AFAP1: variants seen among roughly 807,000 people sequenced by gnomAD.
AFAP1 encodes actin filament associated protein 1.
A neutral mutation model predicts 93.9 loss-of-function variants in AFAP1; 75 were observed. The observed-to-expected ratio is 0.80, with a 90% CI of 0.66 to 0.97. The LOEUF (loss-of-function observed/expected upper bound fraction) is 0.97, where lower values mean the gene tolerates loss of function less well. AFAP1 is among the 50% of genes least tolerant of loss of function. The pLI, the probability that AFAP1 is intolerant of heterozygous loss-of-function variation, is 0.00. For missense variants in AFAP1, 1,201 were observed against 1,050.8 expected (o/e 1.14, Z -1.98); for synonymous variants, 517 against 430.7 (o/e 1.20, Z -2.48).
intron 4 of AFAP1, among the ~76,000 whole-genome samples, chr4:7,845,021 G>A (rs1383850215): frequency 6.6e-6 from 1 of 152,262 alleles, no homozygotes; most frequent in Non-Finnish European, 1.5e-5. Context: ...TGGAGTTTAA[G>A]TTGTACTCAG....
chr4:7,822,464 G>A (rs992163477), intron 6 of AFAP1, among the ~76,000 whole-genome samples: 1 of 151,954 alleles, frequency 6.6e-6, no homozygotes, highest in African/African-American at 2.4e-5. Flanking sequence ...AAACGCACCT[G>A]ACATGCTCTT....
chr4:7,778,817 C>T lies in AFAP1; in HGVS notation c.1842G>A (p.Leu614=), dbSNP rs1716431563. 2 of 1,614,228 alleles carry T rather than the reference C, an allele frequency of 1.2e-6. No individual in the cohort carries two copies. Among genetic ancestry groups the T allele is most frequent in the Non-Finnish European group, 1.7e-6 (2 of 1,180,044 alleles). The change falls in exon 14 of 18, where the codon CTG becomes CTA. Residue 614 remains leucine (L), a synonymous_variant. Transcript: ENST00000420658. The part of the protein sequence containing the change: ...SNGVTGKGKT[L]SSQPKKADPA... ...GATCCGCTTTCTTTGGCTGACTGCT[C>T]AGAGTCTTCCCTTTTCCTGTGACCC...
intron 1 of AFAP1, among the ~76,000 whole-genome samples, chr4:7,881,826 C>G (rs2149197255): frequency 6.6e-6 from 1 of 152,054 alleles, no homozygotes; most frequent in South Asian, 2.1e-4. Context: ...TCTGTCACCA[C>G]ATAAACCTGG....
At chr4:7,861,766 G>A (rs1027764970) in intron 3 of AFAP1, among the ~76,000 whole-genome samples, 12 of 152,264 alleles carry the variant, frequency 7.9e-5, no homozygotes, top group Non-Finnish European at 1.6e-4. Context: ...CCAAAACTCT[G>A]AGATTCCTCA....
At chr4:7,863,118 G>A (rs1715933905) in intron 3 of AFAP1, among the ~76,000 whole-genome samples, 1 of 152,174 alleles carries the variant, frequency 6.6e-6, no homozygotes, top group African/African-American at 2.4e-5. Flanking sequence ...GAAACAAAGA[G>A]AACAATCTTT....
intron 1 of AFAP1, among the ~76,000 whole-genome samples, chr4:7,931,498 C>G (rs1365706407): frequency 6.6e-6 from 1 of 151,474 alleles, no homozygotes; most frequent in Admixed American, 6.6e-5. Flanking sequence ...ATCAGGTGAT[C>G]AACCTCCTGA....
intron 1 of AFAP1, among the ~76,000 whole-genome samples, chr4:7,931,870 C>CT (rs201938258): frequency 0.018 from 2,753 of 151,480 alleles, 65 homozygotes; most frequent in African/African-American, 0.054. Context: ...GTTTCTTTTT[C>CT]TTTTTTTTGA....
intron 3 of AFAP1, 24 bp downstream of exon 3, chr4:7,868,598 T>C (rs780893722): frequency 6.2e-7 from 1 of 1,602,512 alleles, no homozygotes; most frequent in Non-Finnish European, 8.5e-7. Context: ...CGATGACCAC[T>C]GAGATGGTGG....
At chr4:7,834,358 A>C (rs911006333) in intron 6 of AFAP1, among the ~76,000 whole-genome samples, 1 of 152,182 alleles carries the variant, frequency 6.6e-6, no homozygotes, top group South Asian at 2.1e-4. Flanking sequence ...GGATTCAGGG[A>C]AAAAGGGTGG....
intron 1 of AFAP1, among the ~76,000 whole-genome samples, chr4:7,902,116 C>A (rs189795967): frequency 6.6e-6 from 1 of 152,184 alleles, no homozygotes; most frequent in East Asian, 1.9e-4. Context: ...CAGTCAACAA[C>A]CCGTCTTCTC....
chr4:7,833,283 C>T (rs527986408), intron 6 of AFAP1, among the ~76,000 whole-genome samples: 5 of 152,144 alleles, frequency 3.3e-5, no homozygotes, highest in South Asian at 4.2e-4. Flanking sequence ...GAATCTACAA[C>T]GAACTCAAAC....
At chr4:7,890,092 G>A (rs112317031) in intron 1 of AFAP1, among the ~76,000 whole-genome samples, 3,203 of 151,174 alleles carry the variant, frequency 0.021, 111 homozygotes, top group African/African-American at 0.074. Flanking sequence ...GCCAAACGAG[G>A]TGGAGAAAAA....
At chr4:7,826,188 A>G (rs1016979191) in intron 6 of AFAP1, among the ~76,000 whole-genome samples, 4 of 152,178 alleles carry the variant, frequency 2.6e-5, no homozygotes, top group Admixed American at 2.0e-4. Context: ...TGACAATTCA[A>G]GGTGCCCCGG....
intron 15 of AFAP1, chr4:7,773,361 T>C: frequency 4.1e-6 from 1 of 244,036 alleles, no homozygotes; most frequent in Non-Finnish European, 7.9e-6. Flanking sequence ...GTGAACCCTG[T>C]CCTCCCCTAA....
chr4:7,883,709 C>T (rs1449466763), intron 1 of AFAP1, among the ~76,000 whole-genome samples: 2 of 152,116 alleles, frequency 1.3e-5, no homozygotes, highest in African/African-American at 2.4e-5. Flanking sequence ...TATCAGCACC[C>T]ATTTATAAAA....
chr4:7,928,360 G>A (rs1407220123), intron 1 of AFAP1, among the ~76,000 whole-genome samples: 3 of 152,114 alleles, frequency 2.0e-5, no homozygotes, highest in African/African-American at 7.2e-5. Flanking sequence ...CACGTACCCA[G>A]GCTGGGTAAA....
intron 1 of AFAP1, among the ~76,000 whole-genome samples, chr4:7,913,041 T>A (rs1267667140): frequency 6.6e-6 from 1 of 152,194 alleles, no homozygotes; most frequent in East Asian, 1.9e-4. Context: ...AGAGATAGGA[T>A]CTTGTGCCAT....
chr4:7,828,733 C>T (rs1577261792), intron 6 of AFAP1, among the ~76,000 whole-genome samples: 1 of 152,160 alleles, frequency 6.6e-6, no homozygotes, highest in Admixed American at 6.5e-5. Context: ...CATTATTATA[C>T]CCACCTTTAC....
intron 1 of AFAP1, among the ~76,000 whole-genome samples, chr4:7,934,795 G>A (rs7667982): frequency 0.89 from 136,138 of 152,204 alleles, 61,038 homozygotes; most frequent in African/African-American, 0.95. Context: ...AGTTTTCCCA[G>A]CCTCAAGACA....
Sources: gnomAD v4.1 joint callset for allele counts (sites outside exome capture counted in the v4.1 genomes callset) on GRCh38, gnomAD v4.1.1 for gene constraint, MANE v1.5 for transcripts, NCBI Gene and HGNC (gene_info 2026-07-23, HGNC 2026-07-21) for gene names.